BZW2: variants seen among roughly 807,000 people sequenced by gnomAD.
The protein encoded by BZW2 is eIF5-mimic protein 1.
A neutral mutation model predicts 53.2 loss-of-function variants in BZW2; 23 were observed. The ratio of observed to expected loss-of-function variants is 0.43; its 90% confidence interval spans 0.31 to 0.61. The LOEUF (loss-of-function observed/expected upper bound fraction) is 0.61. Ranked by LOEUF, BZW2 falls within the 20% of genes least tolerant of loss-of-function variation. The pLI is 0.09. For missense variants in BZW2, 409 were observed against 503.1 expected, an observed-to-expected ratio of 0.81 and a Z score of 1.79; for synonymous variants, 227 against 186.4, an observed-to-expected ratio of 1.22 and a Z score of -1.77.
At chr7:16,694,605 C>T (rs1420282274) in intron 7 of BZW2, among the ~76,000 whole-genome samples, 1 of 152,172 alleles carries the variant, frequency 6.6e-6, no homozygotes, top group Non-Finnish European at 1.5e-5. Flanking sequence ...ACAGTAGGGT[C>T]CAAGTTTATC....
At chr7:16,652,649 C>T (rs532110855) in intron 1 of BZW2, among the ~76,000 whole-genome samples, 2 of 152,174 alleles carry the variant, frequency 1.3e-5, no homozygotes, top group East Asian at 3.9e-4. Flanking sequence ...CTCAGCCTAC[C>T]GAGTAGCTGG....
Position 16,698,345 on chromosome 7 carries a change from G to C in BZW2, c.1108+159G>C. On this transcript the variant is annotated intron_variant, in intron 10 of 11. Coordinates refer to ENST00000258761, the MANE Select transcript of BZW2 (RefSeq NM_014038.3). ...TTTATTGAGGCAACCATACCATGTA[G>C]AGAGAGGAGGCATACACGCCATATA... The C allele has an allele frequency of 6.2e-6, 6 of 973,532 alleles. No homozygotes were observed. The South Asian group carries it at 6.2e-5, about 10-fold the overall frequency. 60.3% of individuals were successfully genotyped at this position (973,532 alleles called of 1,614,324 possible). A position where few individuals can be genotyped will look rare whatever the true frequency, so the allele number is the denominator to read the frequency against.
intron 1 of BZW2, among the ~76,000 whole-genome samples, chr7:16,660,994 A>G (rs912080736): frequency 1.3e-5 from 2 of 152,170 alleles, no homozygotes; most frequent in African/African-American, 2.4e-5. Flanking sequence ...CAGAAACCTT[A>G]TATCCCTCAG....
intron 4 of BZW2, among the ~76,000 whole-genome samples, 162 bp from the exon 5 acceptor site, chr7:16,682,618 A>G (rs1211751208): frequency 1.3e-5 from 2 of 152,158 alleles, no homozygotes; most frequent in Non-Finnish European, 2.9e-5. Context: ...CTAGGTCATG[A>G]TAGCATCTTT....
rs1461446942 is a variant in BZW2, at chr7:16,674,514, C to A, written c.161C>A (p.Ser54Tyr). The A allele has an allele frequency of 6.2e-7, 1 of 1,612,890 alleles. No individual in the cohort carries two copies. The highest frequency in any genetic ancestry group is 8.5e-7 in the Non-Finnish European group (1 of 1,179,344). Reference sequence around the variant, plus strand: ...GAAGCTGTAGCCAAATTTCTGGACTCTACAGGCTCAAGATTAGATTATCGT... The same window carrying A: ...GAAGCTGTAGCCAAATTTCTGGACTATACAGGCTCAAGATTAGATTATCGT... ...DLEAVAKFLD[S>Y]TGSRLDYRRY... Residue 54 changes from serine (S) to tyrosine (Y), a missense_variant, in exon 3 of 12, where the codon TCT (serine) becomes TAT (tyrosine). By Grantham distance (144) the Ser-to-Tyr change is moderately radical (BLOSUM62 -2). Around this residue, in one of 3 missense-constraint regions of BZW2, gnomAD observed 316 missense variants for 366.8 expected, o/e 0.86. Coordinates refer to ENST00000258761, the MANE Select transcript of BZW2 (RefSeq NM_014038.3).
At chr7:16,688,679 T>G (rs763591077) in intron 6 of BZW2, 1 of 152,242 alleles carries the variant, frequency 6.6e-6, no homozygotes. Flanking sequence ...ATCAGTTAAA[T>G]GTTTCAGTTA....
intron 1 of BZW2, among the ~76,000 whole-genome samples, 189 bp downstream of exon 1, chr7:16,646,477 T>A (rs1781865196): frequency 6.7e-6 from 1 of 149,148 alleles, no homozygotes; most frequent in African/African-American, 2.4e-5. Flanking sequence ...GGGGTATCAG[T>A]GCCCTGGGAT....
intron 1 of BZW2, among the ~76,000 whole-genome samples, chr7:16,655,933 C>G (rs1782109261): frequency 6.6e-6 from 1 of 151,994 alleles, no homozygotes; most frequent in South Asian, 2.1e-4. Context: ...CTGCCTTTAT[C>G]TCTTATTTCT....
At chr7:16,705,984 T>C (rs549797798) in intron 11 of BZW2, 76 bp from the exon 12 acceptor site, 4 of 1,545,178 alleles carry the variant, frequency 2.6e-6, no homozygotes, top group African/African-American at 2.7e-5. Context: ...GGGTTCTGGG[T>C]TGGTGACTGT....
chr7:16,679,281 A>C (rs1469390357), intron 3 of BZW2, among the ~76,000 whole-genome samples: 2 of 152,220 alleles, frequency 1.3e-5, no homozygotes, highest in Non-Finnish European at 2.9e-5. Flanking sequence ...AGAAATTATA[A>C]AAGTATTAAT....
intron 2 of BZW2, among the ~76,000 whole-genome samples, chr7:16,669,675 C>T (rs1246113185): frequency 6.6e-6 from 1 of 152,130 alleles, no homozygotes; most frequent in East Asian, 1.9e-4. Flanking sequence ...GTGTTTTTAA[C>T]CAGTTACTGT....
At chr7:16,685,835 T>C in intron 5 of BZW2, 70 bp from the exon 6 acceptor site, 1 of 1,461,964 alleles carries the variant, frequency 6.8e-7, no homozygotes, top group Non-Finnish European at 9.0e-7. Flanking sequence ...TTCAGTCCTT[T>C]GCTTCATAGA....
chr7:16,681,988 A>G (rs188713572), intron 4 of BZW2, among the ~76,000 whole-genome samples: 94 of 152,284 alleles, frequency 6.2e-4, no homozygotes, highest in African/African-American at 2.1e-3. Flanking sequence ...AATTTATGGG[A>G]TTTTAATGCA....
At chr7:16,698,388 C>A in intron 10 of BZW2, 1 of 545,378 alleles carries the variant, frequency 1.8e-6, no homozygotes, top group Non-Finnish European at 3.1e-6. Flanking sequence ...CCTTGGAAAC[C>A]CTGCTTAGGC....
chr7:16,704,455 A>C, intron 10 of BZW2, 92 bp from the exon 11 acceptor site: 1 of 1,267,614 alleles, frequency 7.9e-7, no homozygotes, highest in East Asian at 2.5e-5. Flanking sequence ...TATATTTAAA[A>C]TGATTGCTTT....
chr7:16,682,019 G>T (rs897954811), intron 4 of BZW2, among the ~76,000 whole-genome samples: 4 of 151,972 alleles, frequency 2.6e-5, no homozygotes, highest in Non-Finnish European at 5.9e-5. Flanking sequence ...TTTTCTTATT[G>T]TGTGTTAATT....
intron 3 of BZW2, among the ~76,000 whole-genome samples, chr7:16,679,825 A>G (rs1409028426): frequency 6.6e-6 from 1 of 152,206 alleles, no homozygotes; most frequent in African/African-American, 2.4e-5. Context: ...TAATCTAACT[A>G]CCCAAACCTT....
At chr7:16,695,075 G>C in intron 8 of BZW2, 71 bp downstream of exon 8, 1 of 1,386,488 alleles carries the variant, frequency 7.2e-7, no homozygotes, top group Non-Finnish European at 9.6e-7. Context: ...GTGTAGCAAA[G>C]GCTTTCCTTA....
At chr7:16,682,694 T>A in intron 4 of BZW2, 86 bp from the exon 5 acceptor site, 1 of 705,506 alleles carries the variant, frequency 1.4e-6, no homozygotes, top group Non-Finnish European at 2.3e-6. Context: ...TTATTATAGA[T>A]CTATGGTGTC....
Sources: allele counts gnomAD v4.1 joint callset (sites outside exome capture counted in the v4.1 genomes callset), GRCh38; gene constraint gnomAD v4.1.1; regional missense constraint gnomAD v4.1.1; transcripts MANE v1.5; gene names NCBI Gene and HGNC (gene_info 2026-07-23, HGNC 2026-07-21).